Variants in WWOX observed in about 807,000 individuals in gnomAD.
WWOX encodes the protein WW domain containing oxidoreductase, also known as WW domain-containing oxidoreductase.
WWOX carries 69 observed loss-of-function variants against 46.2 expected under a neutral mutation model. The ratio of observed to expected loss-of-function variants is 1.49; its 90% CI spans 1.23 to 1.82. The LOEUF is 1.82. WWOX is among the 40% of genes most tolerant of loss of function. The pLI is 0.00. For synonymous variants in WWOX, 359 were observed against 202.6 expected, an observed-to-expected ratio of 1.77 and a Z score of -6.56; for missense variants, 919 against 542.6, an observed-to-expected ratio of 1.69 and a Z score of -6.89.
chr16:78,609,093 C>T (rs1280361499), intron 8 of WWOX, among the ~76,000 whole-genome samples: 1 of 152,020 alleles, frequency 6.6e-6, no homozygotes, highest in African/African-American at 2.4e-5. Context: ...CTTTCTGTCC[C>T]ACCAGATTTA....
At chr16:79,114,923 G>A (rs888535632) in intron 8 of WWOX, among the ~76,000 whole-genome samples, 4 of 152,146 alleles carry the variant, frequency 2.6e-5, no homozygotes, top group South Asian at 2.1e-4. Context: ...GGCAGGAGCC[G>A]GGGCTGCAGA....
At chr16:78,245,104 C>A (rs1343465884) in intron 5 of WWOX, among the ~76,000 whole-genome samples, 1 of 152,120 alleles carries the variant, frequency 6.6e-6, no homozygotes, top group East Asian at 1.9e-4. Flanking sequence ...TCAAATATTC[C>A]AGAGATATGT....
intron 8 of WWOX, among the ~76,000 whole-genome samples, chr16:78,732,476 G>T (rs958779096): frequency 2.0e-5 from 3 of 152,202 alleles, no homozygotes; most frequent in African/African-American, 7.2e-5. Context: ...ACACTGTGAA[G>T]CAGAGGCTGA....
intron 8 of WWOX, among the ~76,000 whole-genome samples, chr16:79,201,149 C>A (rs138734727): frequency 9.2e-5 from 14 of 152,188 alleles, no homozygotes; most frequent in African/African-American, 3.4e-4. Flanking sequence ...GTAAGGACTT[C>A]TGGCTTCAGC....
At chr16:79,198,401 C>T (rs987910026) in intron 8 of WWOX, among the ~76,000 whole-genome samples, 32 of 152,094 alleles carry the variant, frequency 2.1e-4, no homozygotes, top group African/African-American at 5.8e-4. Context: ...TAAATCCTCC[C>T]GCTTTTTTTG....
chr16:79,209,489 A>C (rs1026568761), intron 8 of WWOX, among the ~76,000 whole-genome samples: 8 of 152,198 alleles, frequency 5.3e-5, no homozygotes, highest in Non-Finnish European at 7.3e-5. Flanking sequence ...TTGAATGCTG[A>C]ATAGTATAAC....
Position 78,646,530 on chromosome 16 carries a change from C to T in WWOX, c.1056+213778C>T, listed in dbSNP as rs535280533. Among the ~76,000 whole-genome samples, 27 of 152,192 alleles carry T rather than the reference C, an allele frequency of 1.8e-4. No individual in the cohort carries two copies. The East Asian group carries it at 5.0e-3, about 28-fold the overall frequency. On this transcript the variant is annotated intron_variant, in intron 8 of 8. Transcript: ENST00000566780. Reference sequence around the variant, plus strand: ...GCATCCCCTGTCTCCCGGATTCAAGCAATTCTCTGGCCTCAGCCTCTCTGG... The same window carrying T: ...GCATCCCCTGTCTCCCGGATTCAAGTAATTCTCTGGCCTCAGCCTCTCTGG...
intron 8 of WWOX, among the ~76,000 whole-genome samples, chr16:78,718,065 G>C (rs941299121): frequency 3.7e-5 from 3 of 81,986 alleles, no homozygotes; most frequent in African/African-American, 1.2e-4. Flanking sequence ...CTTTATGGAA[G>C]GGGATTTCAA....
chr16:78,371,415 A>G (rs976019147), intron 5 of WWOX, among the ~76,000 whole-genome samples: 6 of 152,234 alleles, frequency 3.9e-5, no homozygotes, highest in Admixed American at 6.5e-5. Context: ...GTTAACTTCA[A>G]TAACGTATGA....
chr16:79,046,878 G>A (rs148366400), intron 8 of WWOX, among the ~76,000 whole-genome samples: 14 of 151,894 alleles, frequency 9.2e-5, no homozygotes, highest in East Asian at 7.7e-4. Flanking sequence ...TCTTCTTCTC[G>A]TACTTCCCAT....
At chr16:78,292,775 A>G (rs900783162) in intron 5 of WWOX, among the ~76,000 whole-genome samples, 14 of 152,218 alleles carry the variant, frequency 9.2e-5, no homozygotes, top group Non-Finnish European at 1.0e-4. Context: ...AGAAGAGCCA[A>G]ATAGATTCAC....
intron 8 of WWOX, among the ~76,000 whole-genome samples, chr16:79,190,471 C>A (rs939240177): frequency 6.6e-6 from 1 of 152,184 alleles, no homozygotes; most frequent in Non-Finnish European, 1.5e-5. Flanking sequence ...CCCACAGAGG[C>A]CTTACCCCGC....
In WWOX at chr16:78,964,330, G is replaced by A. The variant is rs1414703726; in HGVS notation, c.1057-247278G>A. Among the ~76,000 whole-genome samples, 4 of 151,642 alleles carry A rather than the reference G, an allele frequency of 2.6e-5. No homozygotes were observed. In the South Asian group the frequency reaches 8.3e-4, roughly 31 times the overall value. ...TAGCAATATGGACAATAATGTCCAG[G>A]CTGAGGTGGTCTCAGATGGAGATGA... is the stretch of plus-strand genomic sequence containing the variant. On this transcript the variant is annotated intron_variant, in intron 8 of 8. Coordinates refer to ENST00000566780, the MANE Select transcript of WWOX (RefSeq NM_016373.4).
chr16:79,139,614 T>C (rs922658201), intron 8 of WWOX, among the ~76,000 whole-genome samples: 2 of 152,012 alleles, frequency 1.3e-5, no homozygotes, highest in African/African-American at 2.4e-5. Context: ...TTCTTTCTTT[T>C]CTTTTTTTAA....
Position 78,198,965 on chromosome 16 carries a change from C to T in WWOX, c.516+34676C>T, listed in dbSNP as rs539741164. 8.3e-4 allele frequency among the ~76,000 whole-genome samples: 126 copies of T among 152,150 alleles called. 1 individual carries two copies. The highest frequency in any genetic ancestry group is 1.5e-3 in the Non-Finnish European group (103 of 68,004). ...GATCAATCCCTCTACCTCTTCTTTT[C>T]CCCTTTCACCCGTAACTTCTGCTAC... On this transcript the variant is annotated intron_variant, in intron 5 of 8. Coordinates refer to ENST00000566780, the MANE Select transcript of WWOX (RefSeq NM_016373.4).
intron 8 of WWOX, among the ~76,000 whole-genome samples, chr16:78,849,873 G>A (rs769713270): frequency 3.3e-5 from 5 of 152,058 alleles, no homozygotes; most frequent in Non-Finnish European, 5.9e-5. Context: ...GGGAGTTCGC[G>A]ACCAGCCTGA....
intron 8 of WWOX, among the ~76,000 whole-genome samples, chr16:79,005,633 T>A (rs2047175539): frequency 6.6e-6 from 1 of 152,150 alleles, no homozygotes; most frequent in African/African-American, 2.4e-5. Flanking sequence ...CTCACCACCA[T>A]CTTCCTTGTC....
At chr16:78,827,098 C>G (rs115857680) in intron 8 of WWOX, among the ~76,000 whole-genome samples, 167 of 152,274 alleles carry the variant, frequency 1.1e-3, no homozygotes, top group African/African-American at 3.8e-3. Flanking sequence ...CAAACCTGCT[C>G]TCCTCTCCAG....
intron 8 of WWOX, among the ~76,000 whole-genome samples, chr16:78,483,193 T>C (rs2084539254): frequency 6.6e-6 from 1 of 152,154 alleles, no homozygotes; most frequent in African/African-American, 2.4e-5. Context: ...TAAAAGATAC[T>C]TTTACCTTTT....
Sources: allele counts gnomAD v4.1 joint callset (sites outside exome capture counted in the v4.1 genomes callset), GRCh38; gene constraint gnomAD v4.1.1; transcripts MANE v1.5; gene names NCBI Gene and HGNC (gene_info 2026-07-23, HGNC 2026-07-21).